Variants in SNX29 observed in about 807,000 individuals in gnomAD.
The protein encoded by SNX29 is sorting nexin 29.
SNX29 carries 78 observed loss-of-function variants against 102.1 expected under a neutral mutation model. That is an observed-to-expected ratio of 0.76 (90% confidence interval 0.64 to 0.92). The LOEUF (loss-of-function observed/expected upper bound fraction) is 0.92. Among genes scored for constraint, SNX29 ranks in the 40% least tolerant of loss-of-function variants. SNX29 has a pLI of 0.00. For missense variants in SNX29, 1,280 were observed against 1,061.7 expected (o/e 1.21, Z -2.86); for synonymous variants, 580 against 414.5 (o/e 1.40, Z -4.85).
At chr16:12,102,651 A>G (rs942537394) in intron 11 of SNX29, among the ~76,000 whole-genome samples, 2 of 152,204 alleles carry the variant, frequency 1.3e-5, no homozygotes, top group Non-Finnish European at 2.9e-5. Flanking sequence ...AAACCGGCAC[A>G]AGACAAGGAT....
intron 1 of SNX29, among the ~76,000 whole-genome samples, chr16:11,986,141 G>A (rs568393953): frequency 6.6e-6 from 1 of 151,932 alleles, no homozygotes; most frequent in Non-Finnish European, 1.5e-5. Context: ...AGCCAGTAGG[G>A]GAGCAGGTTA....
rs1193178282 is a variant in SNX29, at chr16:12,571,504, T to G, written c.*2875T>G. The G allele has an allele frequency of 1.9e-6, 1 of 525,264 alleles. No homozygotes were observed. The highest frequency in any genetic ancestry group is 2.6e-6 in the Non-Finnish European group (1 of 386,268). The allele number at this position is 525,264 out of a possible 1,614,324, so 32.5% of individuals were successfully genotyped here. ...CAGAGAGGAACGAGGGTGGCCCACC[T>G]CTCAAGGGCCTTGGATTCCTGGGAC... On this transcript the variant is annotated 3_prime_UTR_variant, in exon 21 of 21. Transcript: ENST00000566228.
chr16:12,353,134 G>T lies in SNX29; in HGVS notation c.1783-3029G>T, dbSNP rs541775319. ...TAGCATAATTTACCAAATGTCAAAG[G>T]ATGTGAACTGTGTGGCTCTCCTTTC... is the stretch of plus-strand genomic sequence containing the variant. On this transcript the variant is annotated intron_variant, in intron 15 of 20. Coordinates refer to ENST00000566228, the MANE Select transcript of SNX29 (RefSeq NM_032167.5). Among the ~76,000 whole-genome samples the T allele has an allele frequency of 1.6e-4, 25 of 152,246 alleles. No homozygotes were observed. The South Asian group carries it at 4.8e-3, about 29-fold the overall frequency.
In SNX29 at chr16:12,371,706, C is replaced by A. The variant is rs553926018; in HGVS notation, c.1899+15427C>A. On this transcript the variant is annotated intron_variant, in intron 16 of 20. Coordinates refer to ENST00000566228, the MANE Select transcript of SNX29 (RefSeq NM_032167.5). ...GAGTGTGTGGGCCTCCTGTGGGAATCGCCACACTGTCCTGTTAGAGCAAAG... is the reference window on the plus strand; with the variant it reads ...GAGTGTGTGGGCCTCCTGTGGGAATAGCCACACTGTCCTGTTAGAGCAAAG... Among the ~76,000 whole-genome samples, 21 of 152,280 alleles carry A rather than the reference C, an allele frequency of 1.4e-4. No individual in the cohort carries two copies. In the South Asian group the frequency reaches 3.9e-3, roughly 29 times the overall value.
chr16:12,001,214 T>G (rs2056274340), intron 2 of SNX29, among the ~76,000 whole-genome samples: 1 of 152,064 alleles, frequency 6.6e-6, no homozygotes, highest in African/African-American at 2.4e-5. Flanking sequence ...TGGGCTCAAG[T>G]GATTCTGCTG....
intron 20 of SNX29, among the ~76,000 whole-genome samples, chr16:12,528,058 C>T (rs886177902): frequency 6.6e-6 from 1 of 151,920 alleles, no homozygotes; most frequent in Admixed American, 6.6e-5. Context: ...ATCTCCTGAC[C>T]CCGTTATTCC....
intron 14 of SNX29, among the ~76,000 whole-genome samples, chr16:12,227,868 G>C (rs830719): frequency 0.49 from 68,428 of 140,754 alleles, 17,124 homozygotes; most frequent in Non-Finnish European, 0.57. Flanking sequence ...CCAGTGCACT[G>C]CAGCCTGGGC....
At position 12,337,857 on chromosome 16, in the gene SNX29, T is replaced by G. The variant is rs189701800; in HGVS notation, c.1783-18306T>G. On this transcript the variant is annotated intron_variant, in intron 15 of 20. Coordinates refer to ENST00000566228, the MANE Select transcript of SNX29 (RefSeq NM_032167.5). ...GTCTGGGACAGTCCTCTTTATGTCC[T>G]GGGTATAAAAGCTCCGAAGAAGAAA... Among the ~76,000 whole-genome samples, 482 of 152,276 alleles carry G rather than the reference T, an allele frequency of 3.2e-3. 4 individuals carry two copies. Among genetic ancestry groups the G allele is most frequent in the South Asian group, 9.7e-3 (47 of 4,828 alleles).
intron 18 of SNX29, among the ~76,000 whole-genome samples, chr16:12,420,665 T>G (rs919632957): frequency 6.6e-6 from 1 of 152,142 alleles, no homozygotes; most frequent in Non-Finnish European, 1.5e-5. Context: ...CTCACAGAGT[T>G]GATATAAGGA....
intron 18 of SNX29, among the ~76,000 whole-genome samples, chr16:12,436,080 G>T (rs75362465): frequency 6.6e-6 from 1 of 152,170 alleles, no homozygotes; most frequent in Non-Finnish European, 1.5e-5. Context: ...TTGGGGCGCC[G>T]CACACACCGT....
At chr16:12,477,920 CT>C in intron 19 of SNX29, 61 bp downstream of exon 19, 2 of 1,511,302 alleles carry the variant, frequency 1.3e-6, no homozygotes, top group South Asian at 2.7e-5. Context: ...ATTATTTATT[CT>C]TCTTCTTTAG....
intron 14 of SNX29, among the ~76,000 whole-genome samples, chr16:12,208,693 T>A (rs949238997): frequency 6.6e-6 from 1 of 152,024 alleles, no homozygotes; most frequent in Non-Finnish European, 1.5e-5. Context: ...AAAAAAAAAT[T>A]GGCCAGGTGT....
chr16:12,300,150 G>T (rs956241115), intron 15 of SNX29, among the ~76,000 whole-genome samples: 1 of 152,234 alleles, frequency 6.6e-6, no homozygotes, highest in Non-Finnish European at 1.5e-5. Context: ...GAGGTTACAC[G>T]TGTGAGCCCC....
At chr16:12,419,347 C>T (rs1373958158) in intron 18 of SNX29, among the ~76,000 whole-genome samples, 1 of 152,124 alleles carries the variant, frequency 6.6e-6, no homozygotes, top group Admixed American at 6.5e-5. Context: ...CTATTTAAGG[C>T]AGGGCTCCTC....
At chr16:12,552,587 T>A (rs2078049536) in intron 20 of SNX29, among the ~76,000 whole-genome samples, 1 of 150,944 alleles carries the variant, frequency 6.6e-6, no homozygotes, top group Admixed American at 6.7e-5. Flanking sequence ...CCTCATGGAG[T>A]TTATATTCTC....
chr16:12,357,032 T>G (rs934816068), intron 16 of SNX29, among the ~76,000 whole-genome samples: 17 of 152,280 alleles, frequency 1.1e-4, no homozygotes, highest in African/African-American at 4.1e-4. Flanking sequence ...GTAGTGTCTT[T>G]GTAAACATTT....
At chr16:12,222,777 C>T (rs1451082369) in intron 14 of SNX29, among the ~76,000 whole-genome samples, 2 of 152,122 alleles carry the variant, frequency 1.3e-5, no homozygotes, top group Non-Finnish European at 2.9e-5. Flanking sequence ...CCATGTTGGC[C>T]AGTCTGTTCT....
chr16:12,532,246 A>G (rs1473820872), intron 20 of SNX29, among the ~76,000 whole-genome samples: 4 of 152,220 alleles, frequency 2.6e-5, no homozygotes, highest in African/African-American at 9.6e-5. Flanking sequence ...TGTGAGTGGC[A>G]TTCCAAGAAG....
At chr16:12,488,566 C>T (rs1309360263) in intron 19 of SNX29, among the ~76,000 whole-genome samples, 3 of 152,154 alleles carry the variant, frequency 2.0e-5, no homozygotes, top group Admixed American at 1.3e-4. Flanking sequence ...TGTTGAATAA[C>T]GAACTGAAGC....
Sources: gnomAD v4.1 joint callset for allele counts (sites outside exome capture counted in the v4.1 genomes callset) on GRCh38, gnomAD v4.1.1 for gene constraint, MANE v1.5 for transcripts, NCBI Gene and HGNC (gene_info 2026-07-23, HGNC 2026-07-21) for gene names.